The following SMPDL3B variants were observed in gnomAD, a reference collection of about 807,000 sequenced individuals.
The protein encoded by SMPDL3B is acid sphingomyelinase-like phosphodiesterase 3b.
A neutral mutation model predicts 37.9 loss-of-function variants in SMPDL3B; 31 were observed. That is an observed-to-expected ratio of 0.82 (90% CI 0.61 to 1.10). The LOEUF (loss-of-function observed/expected upper bound fraction) is 1.10, where lower values mean the gene tolerates loss of function less well. Among genes scored for constraint, SMPDL3B ranks in the 50% least tolerant of loss-of-function variants. SMPDL3B has a pLI of 0.00. For missense variants in SMPDL3B, 525 were observed against 597.8 expected, an observed-to-expected ratio of 0.88 and a Z score of 1.27; for synonymous variants, 235 against 242.6, an observed-to-expected ratio of 0.97 and a Z score of 0.29.
At position 27,958,875 on chromosome 1, in the gene SMPDL3B, G is replaced by A. The variant is rs1361161718; in HGVS notation, c.*37G>A. 1.3e-6 allele frequency: 2 copies of A among 1,514,060 alleles called. No homozygotes were observed. Among genetic ancestry groups the A allele is most frequent in the Non-Finnish European group, 1.8e-6 (2 of 1,127,484 alleles). The allele number at this position is 1,514,060 out of a possible 1,614,324, so 93.8% of individuals were successfully genotyped here. A position where few individuals can be genotyped will look rare whatever the true frequency, so the allele number is the denominator to read the frequency against. On this transcript the variant is annotated 3_prime_UTR_variant, in exon 8 of 8. Transcript: ENST00000373894. The surrounding 1 kb of genome is among the most constrained non-coding windows in gnomAD (Gnocchi z 5.6). ...CACCTTCTTCCTGGTAACGGGTAAC[G>A]GGGGCAGCGCCCAGGATCACCCAGA...
intron 4 of SMPDL3B, 110 bp from the exon 5 acceptor site, chr1:27,954,243 TG>T: frequency 9.7e-7 from 1 of 1,029,484 alleles, no homozygotes; most frequent in Non-Finnish European, 1.4e-6. Flanking sequence ...ATGGGAAAGA[TG>T]GGAGGGGAAG....
intron 5 of SMPDL3B, among the ~76,000 whole-genome samples, chr1:27,955,066 A>G (rs1408150653): frequency 1.3e-5 from 2 of 152,266 alleles, no homozygotes; most frequent in Non-Finnish European, 2.9e-5. Context: ...GATCTCAGGT[A>G]GCAGAACTAT....
At chr1:27,957,316 G>C (rs1206091790) in intron 7 of SMPDL3B, among the ~76,000 whole-genome samples, 2 of 152,052 alleles carry the variant, frequency 1.3e-5, no homozygotes, top group African/African-American at 4.8e-5. Flanking sequence ...GGATTTGCTA[G>C]AGTGGATATG....
chr1:27,956,756 T>C (rs758599155), intron 7 of SMPDL3B, among the ~76,000 whole-genome samples: 11 of 152,088 alleles, frequency 7.2e-5, no homozygotes, highest in Non-Finnish European at 1.6e-4. Context: ...ACAATAAATA[T>C]GTAGAATTAA....
At chr1:27,951,769 A>G (rs1041995472) in intron 3 of SMPDL3B, among the ~76,000 whole-genome samples, 1 of 152,166 alleles carries the variant, frequency 6.6e-6, no homozygotes, top group African/African-American at 2.4e-5. Flanking sequence ...GGATCACTTG[A>G]CCCCAGGAAT....
Position 27,959,025 on chromosome 1 carries a change from A to G in SMPDL3B, c.*187A>G. The G allele has an allele frequency of 1.6e-6, 1 of 638,810 alleles. No individual in the cohort carries two copies. The highest frequency in any genetic ancestry group is 2.6e-6 in the Non-Finnish European group (1 of 382,014). 39.6% of individuals were successfully genotyped at this position (638,810 alleles called of 1,614,324 possible). A position where few individuals can be genotyped will look rare whatever the true frequency, so the allele number is the denominator to read the frequency against. On this transcript the variant is annotated 3_prime_UTR_variant, in exon 8 of 8. Coordinates refer to ENST00000373894, the MANE Select transcript of SMPDL3B (RefSeq NM_014474.4). ...GCGCCACTGCACTCCAGCCTGGGTGACAAAGCCAGACTCTCTCCAAAAACA... is the reference window on the plus strand; with the variant it reads ...GCGCCACTGCACTCCAGCCTGGGTGGCAAAGCCAGACTCTCTCCAAAAACA...
At position 27,958,349 on chromosome 1, in the gene SMPDL3B, A is replaced by T; in HGVS notation, c.1006-127A>T. On this transcript the variant is annotated intron_variant, in intron 7 of 7. Transcript: ENST00000373894. The surrounding 1 kb of genome is among the most constrained non-coding windows in gnomAD (Gnocchi z 5.6). The stretch of plus-strand genomic sequence containing the variant: ...TGCCAAGCACAATGGGTGCACAGCT[A>T]AGTGCTCAATAACTACTAGTGGTCA... 7.9e-7 allele frequency: 1 copy of T among 1,260,748 alleles called. No individual in the cohort carries two copies. The highest frequency in any genetic ancestry group is 1.1e-6 in the Non-Finnish European group (1 of 912,768). The allele number at this position is 1,260,748 out of a possible 1,614,324, so 78.1% of individuals were successfully genotyped here. A position where few individuals can be genotyped will look rare whatever the true frequency, so the allele number is the denominator to read the frequency against.
intron 2 of SMPDL3B, 108 bp from the exon 3 acceptor site, chr1:27,948,957 C>T: frequency 6.4e-7 from 1 of 1,565,646 alleles, no homozygotes; most frequent in Non-Finnish European, 8.7e-7. Context: ...AAGGGGACAT[C>T]TGAGGCCCAG....
At position 27,944,972 on chromosome 1, in the gene SMPDL3B, C is replaced by T. The variant is rs887726226; in HGVS notation, c.62-260C>T. ...TGCCTGAGCTCTAATGTTGTGGCTG[C>T]CCATCCAATGTGGGGAGGAGGACGG... On this transcript the variant is annotated intron_variant, in intron 1 of 7. Coordinates refer to ENST00000373894, the MANE Select transcript of SMPDL3B (RefSeq NM_014474.4). Among the ~76,000 whole-genome samples, 47 of 152,258 alleles carry T rather than the reference C, an allele frequency of 3.1e-4. No homozygotes were observed. The East Asian group carries it at 8.9e-3, about 29-fold the overall frequency.
intron 1 of SMPDL3B, among the ~76,000 whole-genome samples, chr1:27,942,801 T>A (rs992756665): frequency 2.0e-5 from 3 of 152,194 alleles, no homozygotes; most frequent in Non-Finnish European, 2.9e-5. Flanking sequence ...GTAGCTGGGA[T>A]TACAGGCGTG....
Position 27,947,098 on chromosome 1 carries a change from G to C in SMPDL3B, c.275+1653G>C, listed in dbSNP as rs192837169. Among the ~76,000 whole-genome samples, 17 of 151,468 alleles carry C rather than the reference G, an allele frequency of 1.1e-4. No individual in the cohort carries two copies. The East Asian group carries it at 1.2e-3, about 10-fold the overall frequency. On this transcript the variant is annotated intron_variant, in intron 2 of 7. Transcript: ENST00000373894. ...TTTGCCCAGGCTGGAGTGCAATGGC[G>C]TGATCTTGGCTCACCACAATCTCCG...
chr1:27,955,621 A>G, intron 5 of SMPDL3B, 63 bp from the exon 6 acceptor site: 2 of 1,514,722 alleles, frequency 1.3e-6, no homozygotes, highest in Non-Finnish European at 1.8e-6. Flanking sequence ...AGGTTTTGAG[A>G]AGTAGAAATG....
intron 5 of SMPDL3B, among the ~76,000 whole-genome samples, chr1:27,954,774 C>T (rs1376673354): frequency 2.6e-5 from 4 of 152,186 alleles, no homozygotes; most frequent in East Asian, 1.9e-4. Flanking sequence ...TAATAAGTGA[C>T]GAAGCCCAGA....
Position 27,958,726 on chromosome 1 carries a change from A to C in SMPDL3B, c.1256A>C (p.Gln419Pro). 3 of 1,613,824 alleles carry C rather than the reference A, an allele frequency of 1.9e-6. No homozygotes were observed. Among genetic ancestry groups the C allele is most frequent in the Non-Finnish European group, 2.5e-6 (3 of 1,180,028 alleles). The change falls in exon 8 of 8, where the codon CAG becomes CCG. Residue 419 changes from glutamine to proline, a missense_variant. Gln to Pro is a moderately conservative substitution (Grantham distance 76, BLOSUM62 -1). Coordinates refer to ENST00000373894, the MANE Select transcript of SMPDL3B (RefSeq NM_014474.4). The surrounding 1 kb of genome is among the most constrained non-coding windows in gnomAD (Gnocchi z 5.6). ...CSMQHVCAMR[Q>P]VDIDAYTTCL... The stretch of plus-strand genomic sequence containing the variant: ...ATGCAGCACGTGTGTGCCATGCGCC[A>C]GGTGGACATTGACGCTTACACCACC...
At chr1:27,941,783 G>T (rs570382882) in intron 1 of SMPDL3B, among the ~76,000 whole-genome samples, 1 of 152,300 alleles carries the variant, frequency 6.6e-6, no homozygotes, top group East Asian at 1.9e-4. Flanking sequence ...CAGGGAAGAG[G>T]CCCTGTGAGG....
chr1:27,956,145 C>A, intron 7 of SMPDL3B, 63 bp downstream of exon 7: 1 of 1,613,860 alleles, frequency 6.2e-7, no homozygotes, highest in Non-Finnish European at 8.5e-7. Context: ...TCACCACCTT[C>A]CCTCACTCTC....
At chr1:27,949,307 A>G (rs914988558) in intron 3 of SMPDL3B, 145 bp downstream of exon 3, 1 of 804,870 alleles carries the variant, frequency 1.2e-6, no homozygotes, top group Non-Finnish European at 2.0e-6. Context: ...CATGGTGACC[A>G]TTTCTCACCT....
chr1:27,954,397 G>A lies in SMPDL3B; in HGVS notation c.561G>A (p.Gly187=). The change falls in exon 5 of 8, where the codon GGG becomes GGA. Residue 187 remains glycine (G), a synonymous_variant. Transcript: ENST00000373894. ...AGCTGCCGGGTCCCAGCGGGGCTGG[G>A]CGAATTGTGGTCCTCAACACCAATC... ...CEKLPGPSGA[G]RIVVLNTNLY... is the part of the protein sequence containing the mutation. 1 of 1,614,082 alleles carries A rather than the reference G, an allele frequency of 6.2e-7. No homozygotes were observed. The highest frequency in any genetic ancestry group is 8.5e-7 in the Non-Finnish European group (1 of 1,180,018).
chr1:27,955,914 A>G (rs1374505870), intron 6 of SMPDL3B, 35 bp from the exon 7 acceptor site: 6 of 1,612,832 alleles, frequency 3.7e-6, no homozygotes, highest in Non-Finnish European at 4.2e-6. Flanking sequence ...TTCTCTCCCC[A>G]GACCCGCTCA....
Sources: allele counts gnomAD v4.1 joint callset (sites outside exome capture counted in the v4.1 genomes callset), GRCh38; gene constraint gnomAD v4.1.1; non-coding constraint Gnocchi (gnomAD v3.1); transcripts MANE v1.5; gene names NCBI Gene and HGNC (gene_info 2026-07-23, HGNC 2026-07-21).